CFAP210: variants seen among roughly 807,000 people sequenced by gnomAD.
CFAP210 encodes cilia- and flagella- associated protein 210.
chr2:169,651,875 CTTT>C, the CFAP210 span, among the ~76,000 whole-genome samples: 14 of 143,790 alleles, frequency 9.7e-5, no homozygotes, highest in African/African-American at 3.0e-4. Flanking sequence ...TATAAGGTTC[CTTT>C]TTTTTTTTTT....
At chr2:169,653,360 G>A in the CFAP210 span, among the ~76,000 whole-genome samples, 1 of 151,824 alleles carries the variant, frequency 6.6e-6, no homozygotes, top group African/African-American at 2.4e-5. Context: ...GAGGGATAAG[G>A]CTGGGAGGGA....
At chr2:169,688,952 G>C in the CFAP210 span, among the ~76,000 whole-genome samples, 1 of 152,172 alleles carries the variant, frequency 6.6e-6, no homozygotes, top group African/African-American at 2.4e-5. Context: ...CCTAAGACTG[G>C]GAAAAAGAGG....
the CFAP210 span, among the ~76,000 whole-genome samples, chr2:169,669,435 T>C: frequency 1.3e-5 from 2 of 152,300 alleles, no homozygotes; most frequent in Admixed American, 1.3e-4. Flanking sequence ...ATTTTCATCT[T>C]GATAAAATAT....
At chr2:169,665,925 A>C in the CFAP210 span, among the ~76,000 whole-genome samples, 1 of 152,202 alleles carries the variant, frequency 6.6e-6, no homozygotes, top group African/African-American at 2.4e-5. Context: ...CAGGGGACTC[A>C]CTATGTTACC....
At chr2:169,649,367 G>T in the CFAP210 span, 1 of 1,599,548 alleles carries the variant, frequency 6.3e-7, no homozygotes, top group South Asian at 1.1e-5. Context: ...AAAGGCAAAG[G>T]AAACATATAA....
chr2:169,646,544 C>A, the CFAP210 span, among the ~76,000 whole-genome samples: 335 of 152,322 alleles, frequency 2.2e-3, no homozygotes, highest in Non-Finnish European at 2.7e-3. Context: ...TAACCATCCA[C>A]TATTCTGGAG....
At chr2:169,652,658 C>A in the CFAP210 span, among the ~76,000 whole-genome samples, 1 of 151,956 alleles carries the variant, frequency 6.6e-6, no homozygotes, top group Non-Finnish European at 1.5e-5. Context: ...CCTCATGGGG[C>A]TTTCATGATT....
the CFAP210 span, chr2:169,675,037 T>C: frequency 6.7e-7 from 1 of 1,498,104 alleles, no homozygotes; most frequent in Non-Finnish European, 8.8e-7. Context: ...TGTTCTTTCA[T>C]CCCCTGTAAA....
At chr2:169,656,671 A>G in the CFAP210 span, among the ~76,000 whole-genome samples, 1 of 152,188 alleles carries the variant, frequency 6.6e-6, no homozygotes, top group Non-Finnish European at 1.5e-5. Context: ...TGTACAAAGA[A>G]TAACAGAGTA....
At chr2:169,681,461 T>C in the CFAP210 span, 2 of 526,798 alleles carry the variant, frequency 3.8e-6, no homozygotes, top group South Asian at 2.1e-5. Flanking sequence ...CTGTGTAAAC[T>C]TGGGCAAGTC....
At chr2:169,681,483 T>A in the CFAP210 span, among the ~76,000 whole-genome samples, 1 of 152,242 alleles carries the variant, frequency 6.6e-6, no homozygotes, top group East Asian at 1.9e-4. Context: ...TTTAACTTTT[T>A]GGAATCTCAG....
chr2:169,686,979 G>A, the CFAP210 span, among the ~76,000 whole-genome samples: 1 of 152,190 alleles, frequency 6.6e-6, no homozygotes, highest in Non-Finnish European at 1.5e-5. Context: ...ATGGTGAGAG[G>A]CAAAAGGCAC....
At chr2:169,657,108 T>C in the CFAP210 span, among the ~76,000 whole-genome samples, 1 of 152,018 alleles carries the variant, frequency 6.6e-6, no homozygotes, top group African/African-American at 2.4e-5. Context: ...GGGTTTTCTA[T>C]CACATGCATT....
chr2:169,655,404 C>CATAGTAGTTTAACATAGTAGTTAAGAG, the CFAP210 span, among the ~76,000 whole-genome samples: 1 of 152,194 alleles, frequency 6.6e-6, no homozygotes, highest in Non-Finnish European at 1.5e-5. Flanking sequence ...GTGCCCAGCA[C>CATAGTAGTTTAACATAGTAGTTAAGAG]TCTTAACTAA....
chr2:169,673,115 A>T, the CFAP210 span, among the ~76,000 whole-genome samples: 1 of 152,182 alleles, frequency 6.6e-6, no homozygotes, highest in Non-Finnish European at 1.5e-5. Context: ...AGCTTGATGA[A>T]CATTTCCGAG....
At chr2:169,674,835 T>C in the CFAP210 span, 2 of 1,495,434 alleles carry the variant, frequency 1.3e-6, no homozygotes, top group Non-Finnish European at 1.8e-6. Context: ...ATGTTAAAGA[T>C]ATATAAAAAT....
At chr2:169,684,543 A>G in the CFAP210 span, among the ~76,000 whole-genome samples, 3 of 152,238 alleles carry the variant, frequency 2.0e-5, no homozygotes, top group Non-Finnish European at 2.9e-5. Flanking sequence ...TTTCATGTGC[A>G]TGGAATCATA....
At chr2:169,691,910 A>G in the CFAP210 span, among the ~76,000 whole-genome samples, 1 of 152,232 alleles carries the variant, frequency 6.6e-6, no homozygotes, top group Non-Finnish European at 1.5e-5. Flanking sequence ...CTAGACAGAC[A>G]TATCTTTGGA....
At chr2:169,677,488 G>A in the CFAP210 span, among the ~76,000 whole-genome samples, 2 of 152,010 alleles carry the variant, frequency 1.3e-5, no homozygotes, top group Non-Finnish European at 1.5e-5. Flanking sequence ...ATCAAAAAAA[G>A]TACTTTAAAA....
Sources: allele counts gnomAD v4.1 joint callset (sites outside exome capture counted in the v4.1 genomes callset), GRCh38; gene constraint gnomAD v4.1.1; transcripts MANE v1.5; gene names NCBI Gene and HGNC (gene_info 2026-07-23, HGNC 2026-07-21).